The following DGCR2 variants were observed in gnomAD, a reference collection of about 807,000 sequenced individuals.
DGCR2 encodes the protein DiGeorge syndrome critical region gene 2.
Under a neutral mutation model 51.6 loss-of-function variants are expected in DGCR2, and 24 were observed. That is an observed-to-expected ratio of 0.47 (90% CI 0.34 to 0.65). DGCR2 has a LOEUF of 0.65. Among genes scored for constraint, DGCR2 ranks in the 30% least tolerant of loss-of-function variants. DGCR2 has a pLI of 0.01. For synonymous variants in DGCR2, 340 were observed against 315.4 expected (o/e 1.08, Z -0.82); for missense variants, 765 against 772.1 (o/e 0.99, Z 0.11).
chr22:19,096,899 A>AC (rs2083147741), intron 1 of DGCR2, among the ~76,000 whole-genome samples: 1 of 151,648 alleles, frequency 6.6e-6, no homozygotes, highest in African/African-American at 2.4e-5. Flanking sequence ...AAAAACAAAA[A>AC]AAAAAAACAC....
At chr22:19,055,337 G>A (rs79439864) in intron 6 of DGCR2, among the ~76,000 whole-genome samples, 2,496 of 152,114 alleles carry the variant, frequency 0.016, 89 homozygotes, top group East Asian at 0.062. Context: ...AATATTCCCA[G>A]CAACCTAGGA....
chr22:19,065,115 A>AT, intron 3 of DGCR2, 48 bp from the exon 4 acceptor site: 2 of 1,547,272 alleles, frequency 1.3e-6, no homozygotes, highest in Non-Finnish European at 1.8e-6. Flanking sequence ...TCCAGCTCCA[A>AT]AATGGAAATT....
intron 6 of DGCR2, chr22:19,056,554 TAAA>T (rs57447746): frequency 8.8e-5 from 22 of 248,904 alleles, no homozygotes; most frequent in South Asian, 3.0e-4. Flanking sequence ...CTGGCTTTAA[TAAA>T]AAAAAAAAAA....
At chr22:19,049,997 A>G (rs1006090278) in intron 6 of DGCR2, among the ~76,000 whole-genome samples, 9 of 152,176 alleles carry the variant, frequency 5.9e-5, no homozygotes, top group Non-Finnish European at 8.8e-5. Flanking sequence ...AAGTACACCA[A>G]CATATGTGAA....
chr22:19,089,586 T>C (rs1601266927), intron 1 of DGCR2, 96 bp from the exon 2 acceptor site: 3 of 1,300,276 alleles, frequency 2.3e-6, no homozygotes, highest in East Asian at 3.0e-5. Flanking sequence ...ATTTGTTTGT[T>C]TGTTTGTTTT....
chr22:19,118,911 C>G (rs1449567472), intron 1 of DGCR2, among the ~76,000 whole-genome samples: 1 of 152,208 alleles, frequency 6.6e-6, no homozygotes. Context: ...CCAAATCCCC[C>G]CACCATCTCG....
chr22:19,098,596 TTTG>T (rs1019476199), intron 1 of DGCR2, among the ~76,000 whole-genome samples: 5 of 152,132 alleles, frequency 3.3e-5, no homozygotes, highest in African/African-American at 1.2e-4. Flanking sequence ...ATGTAAATGT[TTTG>T]TTTTTTGAGA....
chr22:19,096,572 T>C (rs961479242), intron 1 of DGCR2, among the ~76,000 whole-genome samples: 2 of 151,676 alleles, frequency 1.3e-5, no homozygotes, highest in Non-Finnish European at 2.9e-5. Flanking sequence ...ACCCCACACA[T>C]GTAACTACTG....
chr22:19,112,419 G>GTAATACCAGCACTTTGGGAGGT (rs1555911206), intron 1 of DGCR2, among the ~76,000 whole-genome samples: 5 of 146,510 alleles, frequency 3.4e-5, no homozygotes, highest in South Asian at 2.3e-4. Flanking sequence ...TAATAAACAT[G>GTAATACCAGCACTTTGGGAGGT]GTTTCAAATC....
intron 2 of DGCR2, among the ~76,000 whole-genome samples, chr22:19,080,202 C>A (rs755139495): frequency 8.5e-5 from 13 of 152,188 alleles, no homozygotes; most frequent in Non-Finnish European, 1.3e-4. Context: ...GAGAATTTCT[C>A]TTAATTCCTC....
In DGCR2 at chr22:19,057,714, G is replaced by A. The variant is rs568413783; in HGVS notation, c.626-552C>T. Among the ~76,000 whole-genome samples the A allele has an allele frequency of 4.6e-5, 7 of 152,214 alleles. No homozygotes were observed. The highest frequency in any genetic ancestry group is 2.6e-4 in the Admixed American group (4 of 15,302). ...GAACACTTAGGAAGCACTGGCTCCC[G>A]GGGACCTCTCTCAGCTCAAGGGAAA... On this transcript the variant is annotated intron_variant, in intron 5 of 9. Transcript: ENST00000263196. The surrounding 1 kb of genome is among the most constrained non-coding windows in gnomAD (Gnocchi z 5.1).
chr22:19,083,965 G>T lies in DGCR2; in HGVS notation c.202+5403C>A, dbSNP rs558063376. Among the ~76,000 whole-genome samples the T allele has an allele frequency of 3.9e-5, 6 of 152,254 alleles. No homozygotes were observed. In the East Asian group the frequency reaches 9.7e-4, roughly 25 times the overall value. On this transcript the variant is annotated intron_variant, in intron 2 of 9. Transcript: ENST00000263196. ...TCCAGCTCCTAACCTTGAGTGATCCGCCAGCCTCGGCCTCCCGAGGTGCCG... is the reference window on the plus strand; with the variant it reads ...TCCAGCTCCTAACCTTGAGTGATCCTCCAGCCTCGGCCTCCCGAGGTGCCG...
At chr22:19,060,703 T>C in intron 5 of DGCR2, 1 of 301,126 alleles carries the variant, frequency 3.3e-6, no homozygotes, top group Non-Finnish European at 6.7e-6. Flanking sequence ...CCTGGCCTCA[T>C]GTCTTCTGGC....
At chr22:19,058,947 C>T (rs2082631615) in intron 5 of DGCR2, among the ~76,000 whole-genome samples, 3 of 152,252 alleles carry the variant, frequency 2.0e-5, no homozygotes, top group South Asian at 4.1e-4. Flanking sequence ...GCTGGTGGCT[C>T]TGCATCCAGG....
At chr22:19,060,114 G>A (rs946857201) in intron 5 of DGCR2, among the ~76,000 whole-genome samples, 1 of 152,174 alleles carries the variant, frequency 6.6e-6, no homozygotes, top group African/African-American at 2.4e-5. Flanking sequence ...GACCCCAGCT[G>A]ACCCCATCCT....
intron 2 of DGCR2, among the ~76,000 whole-genome samples, chr22:19,077,048 A>G (rs2082885876): frequency 6.6e-6 from 1 of 152,080 alleles, no homozygotes; most frequent in Non-Finnish European, 1.5e-5. Flanking sequence ...TAACCAGGAT[A>G]TTTATTATTA....
chr22:19,043,232 C>T (rs756538780), intron 7 of DGCR2, among the ~76,000 whole-genome samples: 4 of 152,240 alleles, frequency 2.6e-5, no homozygotes, highest in Non-Finnish European at 5.9e-5. Context: ...TGGGATGCTA[C>T]TAGTATTCAG....
chr22:19,065,327 G>A (rs1312084149), intron 3 of DGCR2: 10 of 493,268 alleles, frequency 2.0e-5, no homozygotes, highest in Non-Finnish European at 1.8e-5. Context: ...CACTAGTCAA[G>A]AACGGCTGCT....
chr22:19,062,244 T>C (rs1601530759), intron 5 of DGCR2, among the ~76,000 whole-genome samples: 1 of 152,028 alleles, frequency 6.6e-6, no homozygotes, highest in Non-Finnish European at 1.5e-5. Context: ...GAGAACAGGG[T>C]GGCATCTGTC....
Sources: allele counts gnomAD v4.1 joint callset (sites outside exome capture counted in the v4.1 genomes callset), GRCh38; gene constraint gnomAD v4.1.1; non-coding constraint Gnocchi (gnomAD v3.1); transcripts MANE v1.5; gene names NCBI Gene and HGNC (gene_info 2026-07-23, HGNC 2026-07-21).